PDE4B: variants seen among roughly 807,000 people sequenced by gnomAD.
PDE4B encodes the protein phosphodiesterase 4B.
A neutral mutation model predicts 82.2 loss-of-function variants in PDE4B; 20 were observed. That is an observed-to-expected ratio of 0.24 (90% CI 0.17 to 0.35). The LOEUF is 0.35. Among genes scored for constraint, PDE4B ranks in the 10% least tolerant of loss-of-function variants. The pLI is 1.00. For synonymous variants in PDE4B, 320 were observed against 318.9 expected (o/e 1.00, Z -0.04); for missense variants, 655 against 907.2 (o/e 0.72, Z 3.57).
intron 1 of PDE4B, among the ~76,000 whole-genome samples, chr1:65,823,605 A>C (rs1020230983): frequency 4.6e-5 from 7 of 151,932 alleles, no homozygotes; most frequent in African/African-American, 1.7e-4. Context: ...TCTCCCCACT[A>C]TCAATTCATC....
At chr1:66,278,267 A>G (rs1656038788) in intron 7 of PDE4B, among the ~76,000 whole-genome samples, 1 of 152,224 alleles carries the variant, frequency 6.6e-6, no homozygotes, top group Admixed American at 6.5e-5. Context: ...GTATATTCTG[A>G]TAAGGAGGAG....
intron 3 of PDE4B, among the ~76,000 whole-genome samples, chr1:66,004,339 G>A (rs1315032204): frequency 6.6e-6 from 1 of 152,026 alleles, no homozygotes; most frequent in African/African-American, 2.4e-5. Context: ...AGCAAATGTG[G>A]TGCATCTTAA....
At chr1:65,897,414 T>TGCAG (rs1409549584) in intron 1 of PDE4B, among the ~76,000 whole-genome samples, 1 of 152,130 alleles carries the variant, frequency 6.6e-6, no homozygotes, top group Non-Finnish European at 1.5e-5. Context: ...GGGGTACATG[T>TGCAG]GCAGGCTTGT....
intron 3 of PDE4B, among the ~76,000 whole-genome samples, chr1:66,141,327 A>AATATATATATATAT (rs71058454): frequency 1.1e-4 from 10 of 91,452 alleles, no homozygotes; most frequent in South Asian, 3.8e-4. Context: ...AAGCTTTGAG[A>AATATATATATATAT]ATATATATAT....
intron 1 of PDE4B, among the ~76,000 whole-genome samples, chr1:65,844,741 A>C (rs1646249721): frequency 6.6e-6 from 1 of 152,150 alleles, no homozygotes; most frequent in Non-Finnish European, 1.5e-5. Flanking sequence ...AAAGAGATAA[A>C]AAGAAGTGGG....
intron 7 of PDE4B, among the ~76,000 whole-genome samples, chr1:66,294,506 G>A (rs1657357109): frequency 6.6e-6 from 1 of 152,060 alleles, no homozygotes; most frequent in South Asian, 2.1e-4. Context: ...TATCTTCGTA[G>A]CCCAAATTAG....
chr1:65,918,478 T>G, intron 2 of PDE4B, 119 bp from the exon 3 acceptor site: 3 of 638,840 alleles, frequency 4.7e-6, no homozygotes, highest in East Asian at 2.7e-5. Flanking sequence ...ATTCTGATTG[T>G]GAGATAATCA....
rs185559642 is a variant in PDE4B, at chr1:66,054,810, C to T, written c.281+135975C>T. 3.6e-3 allele frequency among the ~76,000 whole-genome samples: 543 copies of T among 152,302 alleles called. 4 individuals are homozygous for T. The highest frequency in any genetic ancestry group is 0.013 in the African/African-American group (533 of 41,574). On this transcript the variant is annotated intron_variant, in intron 3 of 16. Coordinates refer to ENST00000341517, the MANE Select transcript of PDE4B (RefSeq NM_002600.4). Reference sequence around the variant, plus strand: ...GATACCTGCCAGTTTCCTCTTCTGTCATGGTTCCTCCTTATCTATAGGCCC... The same window carrying T: ...GATACCTGCCAGTTTCCTCTTCTGTTATGGTTCCTCCTTATCTATAGGCCC...
chr1:65,875,993 C>T (rs1040080528), intron 1 of PDE4B, among the ~76,000 whole-genome samples: 41 of 151,428 alleles, frequency 2.7e-4, no homozygotes, highest in Non-Finnish European at 5.6e-4. Context: ...TTTTTTTCTT[C>T]ATATTGTACT....
chr1:66,310,784 T>A (rs1296218945), intron 7 of PDE4B, among the ~76,000 whole-genome samples: 1 of 152,166 alleles, frequency 6.6e-6, no homozygotes, highest in East Asian at 1.9e-4. Context: ...CAAGAGAGAA[T>A]GAGGTTCCTG....
chr1:66,090,854 G>C (rs1386927949), intron 3 of PDE4B, among the ~76,000 whole-genome samples: 1 of 151,730 alleles, frequency 6.6e-6, no homozygotes, highest in Non-Finnish European at 1.5e-5. Context: ...CTTTTACGCT[G>C]TATGACGGGA....
At chr1:66,179,113 A>G (rs1021244497) in intron 3 of PDE4B, among the ~76,000 whole-genome samples, 2 of 152,146 alleles carry the variant, frequency 1.3e-5, no homozygotes, top group African/African-American at 4.8e-5. Context: ...CGGCCTCCCA[A>G]AGTGCTGGAT....
chr1:66,206,000 T>A (rs12141263), intron 3 of PDE4B, among the ~76,000 whole-genome samples: 74,038 of 151,878 alleles, frequency 0.49, 19,162 homozygotes, highest in South Asian at 0.64. Flanking sequence ...GGTGGAGAGG[T>A]GCGCTGAAGC....
chr1:66,027,283 AC>A lies in PDE4B; in HGVS notation c.281+108453del, dbSNP rs1263556274. On this transcript the variant is annotated intron_variant, in intron 3 of 16. Transcript: ENST00000341517. Reference sequence around the variant, plus strand: ...AAATGAGGAAGAAGCAAAAGCAGAAACCCCCGATAAACCCATCAGATTTTGT... The same window carrying A: ...AAATGAGGAAGAAGCAAAAGCAGAAACCCCGATAAACCCATCAGATTTTGT... 2.6e-5 allele frequency among the ~76,000 whole-genome samples: 4 copies of A among 151,942 alleles called. No individual in the cohort carries two copies. In the East Asian group the frequency reaches 7.7e-4, roughly 29 times the overall value.
At chr1:66,308,088 A>G (rs1312721560) in intron 7 of PDE4B, among the ~76,000 whole-genome samples, 1 of 152,188 alleles carries the variant, frequency 6.6e-6, no homozygotes, top group Non-Finnish European at 1.5e-5. Context: ...ACTGTGTACA[A>G]AAAGACCCAC....
At chr1:66,080,426 G>C (rs888984403) in intron 3 of PDE4B, among the ~76,000 whole-genome samples, 1 of 151,996 alleles carries the variant, frequency 6.6e-6, no homozygotes, top group Admixed American at 6.6e-5. Context: ...TTGAATTGTA[G>C]TATTGGGGAA....
At chr1:65,986,442 AGAT>A (rs1421647851) in intron 3 of PDE4B, among the ~76,000 whole-genome samples, 1 of 152,206 alleles carries the variant, frequency 6.6e-6, no homozygotes, top group Non-Finnish European at 1.5e-5. Context: ...TGCTTGACAA[AGAT>A]GATAGAGAAA....
intron 3 of PDE4B, among the ~76,000 whole-genome samples, chr1:65,920,480 T>A (rs769774384): frequency 6.6e-6 from 1 of 152,248 alleles, no homozygotes; most frequent in Non-Finnish European, 1.5e-5. Context: ...TTGGGAGTTG[T>A]AGAATTGTTC....
At chr1:66,192,874 T>C (rs185664941) in intron 3 of PDE4B, among the ~76,000 whole-genome samples, 16 of 152,228 alleles carry the variant, frequency 1.1e-4, no homozygotes, top group African/African-American at 3.6e-4. Flanking sequence ...ACCAAACATA[T>C]AATCATACCT....
Sources: gnomAD v4.1 joint callset for allele counts (sites outside exome capture counted in the v4.1 genomes callset) on GRCh38, gnomAD v4.1.1 for gene constraint, MANE v1.5 for transcripts, NCBI Gene and HGNC (gene_info 2026-07-23, HGNC 2026-07-21) for gene names.